The following NPAS3 variants were observed in gnomAD, a reference collection of about 807,000 sequenced individuals.
NPAS3 encodes neuronal PAS domain-containing protein 3.
Under a neutral mutation model 73.1 loss-of-function variants are expected in NPAS3, and 14 were observed. That is an observed-to-expected ratio of 0.19 (90% CI 0.13 to 0.30). The LOEUF is 0.30. NPAS3 is among the 10% of genes least tolerant of loss of function. The probability of loss-of-function intolerance (pLI) is 1.00; values close to 1 mark genes in which losing one functional copy is unlikely to be tolerated. For missense variants in NPAS3, 1,096 were observed against 1,250.0 expected (o/e 0.88, Z 1.86); for synonymous variants, 620 against 541.5 (o/e 1.14, Z -2.01).
chr14:33,204,027 A>G (rs2139606604), intron 2 of NPAS3, among the ~76,000 whole-genome samples: 1 of 152,168 alleles, frequency 6.6e-6, no homozygotes, highest in Middle Eastern at 3.4e-3. Context: ...CTGGTGTGAG[A>G]TGGTATCTCA....
intron 6 of NPAS3, among the ~76,000 whole-genome samples, chr14:33,705,852 A>C (rs1396022063): frequency 2.6e-5 from 4 of 152,246 alleles, no homozygotes; most frequent in Non-Finnish European, 5.9e-5. Context: ...AAATCATCTG[A>C]CAAGGGCGGA....
chr14:33,707,914 G>T (rs540611937), intron 6 of NPAS3, among the ~76,000 whole-genome samples: 1 of 152,310 alleles, frequency 6.6e-6, no homozygotes, highest in Admixed American at 6.5e-5. Flanking sequence ...GAACCGGGGG[G>T]TGGTGAGGGA....
intron 5 of NPAS3, chr14:33,560,509 C>T (rs1374553628): frequency 4.2e-6 from 1 of 240,938 alleles, no homozygotes; most frequent in South Asian, 8.7e-5. Context: ...ACCTCTGTGC[C>T]CAGTAGGAGA....
chr14:33,372,369 C>T (rs2046127610), intron 4 of NPAS3, among the ~76,000 whole-genome samples: 1 of 152,214 alleles, frequency 6.6e-6, no homozygotes, highest in Non-Finnish European at 1.5e-5. Context: ...GCCGTATATT[C>T]TCGTAGGGAA....
At chr14:33,266,071 C>T (rs2040803756) in intron 3 of NPAS3, among the ~76,000 whole-genome samples, 1 of 151,886 alleles carries the variant, frequency 6.6e-6, no homozygotes, top group Non-Finnish European at 1.5e-5. Flanking sequence ...TTTTGTGCTT[C>T]AGAAGCTAAC....
chr14:33,316,942 G>A (rs1029419075), intron 3 of NPAS3, among the ~76,000 whole-genome samples: 6 of 152,092 alleles, frequency 3.9e-5, no homozygotes, highest in Non-Finnish European at 8.8e-5. Flanking sequence ...TGGGAAATAA[G>A]TGGAAAAGGA....
intron 2 of NPAS3, among the ~76,000 whole-genome samples, chr14:33,119,859 G>T (rs17100164): frequency 0.11 from 16,277 of 152,090 alleles, 1,287 homozygotes; most frequent in African/African-American, 0.22. Context: ...AGGGTCAATA[G>T]ATAAAATTTG....
At chr14:33,252,797 C>G (rs965826641) in intron 3 of NPAS3, among the ~76,000 whole-genome samples, 1 of 151,928 alleles carries the variant, frequency 6.6e-6, no homozygotes, top group African/African-American at 2.4e-5. Flanking sequence ...CACTCCCACC[C>G]TCCCTTCTTT....
intron 7 of NPAS3, among the ~76,000 whole-genome samples, chr14:33,765,347 C>T (rs539970468): frequency 2.0e-4 from 31 of 151,962 alleles, no homozygotes; most frequent in African/African-American, 7.2e-4. Context: ...CTCTCAGCTC[C>T]CCACTGGAGC....
At chr14:33,197,267 G>GTGTGTGT (rs1555353807) in intron 2 of NPAS3, among the ~76,000 whole-genome samples, 4 of 148,834 alleles carry the variant, frequency 2.7e-5, no homozygotes, top group South Asian at 2.1e-4. Flanking sequence ...GTGTGTGTGT[G>GTGTGTGT]TTCTTTTTCA....
At chr14:33,090,616 A>G (rs1411249084) in intron 2 of NPAS3, among the ~76,000 whole-genome samples, 1 of 152,230 alleles carries the variant, frequency 6.6e-6, no homozygotes, top group African/African-American at 2.4e-5. Flanking sequence ...AAGGATATCC[A>G]GGAATTCAAC....
chr14:33,304,730 C>T (rs1036622546), intron 3 of NPAS3, among the ~76,000 whole-genome samples: 4 of 151,894 alleles, frequency 2.6e-5, no homozygotes, highest in Non-Finnish European at 5.9e-5. Context: ...GCATCTATAA[C>T]CAAGCTATGA....
intron 6 of NPAS3, among the ~76,000 whole-genome samples, chr14:33,678,872 T>A (rs1177076558): frequency 6.6e-6 from 1 of 152,100 alleles, no homozygotes; most frequent in Non-Finnish European, 1.5e-5. Flanking sequence ...ATAAATCCCA[T>A]GCCTTCTATG....
At chr14:33,457,302 T>C (rs946755446) in intron 4 of NPAS3, among the ~76,000 whole-genome samples, 3 of 152,220 alleles carry the variant, frequency 2.0e-5, no homozygotes, top group Admixed American at 6.5e-5. Flanking sequence ...TTCTGTGCCA[T>C]TGGGCAGTTT....
intron 3 of NPAS3, among the ~76,000 whole-genome samples, chr14:33,294,392 C>G (rs569961092): frequency 2.0e-5 from 3 of 152,268 alleles, no homozygotes; most frequent in East Asian, 1.9e-4. Flanking sequence ...TCCATCTCAT[C>G]TGAAATGTGA....
chr14:33,280,431 C>T (rs1326836264), intron 3 of NPAS3, among the ~76,000 whole-genome samples: 1 of 152,150 alleles, frequency 6.6e-6, no homozygotes, highest in African/African-American at 2.4e-5. Context: ...CATGCCAATA[C>T]TGAGGAGAAA....
chr14:33,087,204 ATAG>A (rs1566545975), intron 2 of NPAS3, among the ~76,000 whole-genome samples: 2 of 124,392 alleles, frequency 1.6e-5, no homozygotes, highest in African/African-American at 3.1e-5. Flanking sequence ...GTATAATAAT[ATAG>A]TATTATTATT....
intron 3 of NPAS3, among the ~76,000 whole-genome samples, chr14:33,271,772 G>C (rs534392456): frequency 1.3e-5 from 2 of 152,076 alleles, no homozygotes; most frequent in Non-Finnish European, 2.9e-5. Context: ...GTTCTGGCAT[G>C]TACTGTAATA....
intron 4 of NPAS3, among the ~76,000 whole-genome samples, chr14:33,384,281 G>A (rs2046679860): frequency 6.6e-6 from 1 of 152,024 alleles, no homozygotes; most frequent in African/African-American, 2.4e-5. Flanking sequence ...TTTAAATTCT[G>A]TATTTTAATT....
Sources: gnomAD v4.1 joint callset for allele counts (sites outside exome capture counted in the v4.1 genomes callset) on GRCh38, gnomAD v4.1.1 for gene constraint, MANE v1.5 for transcripts, NCBI Gene and HGNC (gene_info 2026-07-23, HGNC 2026-07-21) for gene names.